HMG20B: variants seen among roughly 807,000 people sequenced by gnomAD.
The protein encoded by HMG20B is high mobility group 20B, also known as SWI/SNF-related matrix-associated actin-dependent regulator of chromatin subfamily E member 1-related.
In HMG20B, 24 loss-of-function variants were observed where a neutral mutation model predicts 41.6. The observed-to-expected ratio is 0.58, with a 90% confidence interval of 0.42 to 0.81. The LOEUF (loss-of-function observed/expected upper bound fraction) is 0.81, where lower values mean the gene tolerates loss of function less well. Among genes scored for constraint, HMG20B ranks in the 30% least tolerant of loss-of-function variants. The pLI is 0.00. For missense variants in HMG20B, 461 were observed against 444.0 expected, an observed-to-expected ratio of 1.04 and a Z score of -0.34; for synonymous variants, 251 against 186.6, an observed-to-expected ratio of 1.34 and a Z score of -2.81.
At chr19:3,578,362 C>T (rs1364182088) in intron 9 of HMG20B, 147 bp from the exon 10 acceptor site, 2 of 1,265,776 alleles carry the variant, frequency 1.6e-6, no homozygotes, top group East Asian at 2.6e-5. Context: ...GATCCCAGCG[C>T]CCGGGTTAGA....
At chr19:3,574,012 G>T (rs1334407634) in intron 3 of HMG20B, 5 of 694,672 alleles carry the variant, frequency 7.2e-6, no homozygotes, top group Non-Finnish European at 5.2e-6. Context: ...TGCCAGCTCT[G>T]CCCACTCTAA....
At chr19:3,576,416 G>A (rs2032163730) in intron 6 of HMG20B, 109 bp downstream of exon 6, 4 of 1,364,686 alleles carry the variant, frequency 2.9e-6, no homozygotes, top group Middle Eastern at 1.8e-4. Context: ...CAGGGGCGGT[G>A]CCACTGCACC....
At position 3,577,028 on chromosome 19, in the gene HMG20B, G is replaced by A. The variant is rs754425390; in HGVS notation, c.729G>A (p.Arg243=). 7 of 1,551,030 alleles carry A rather than the reference G, an allele frequency of 4.5e-6. No homozygotes were observed. The African/African-American group carries it at 6.8e-5, about 15-fold the overall frequency. The stretch of plus-strand genomic sequence containing the variant: ...AGCAGGAGCTGGCGCTGGAGGAGCG[G>A]AGGACGCTGGCGCTGCAGCAGCAGC... ...RLEQELALEE[R]RTLALQQQLQ... The change falls in exon 8 of 10, where the codon CGG becomes CGA. Residue 243 remains arginine (R), a synonymous_variant. Coordinates refer to ENST00000333651, the MANE Select transcript of HMG20B (RefSeq NM_006339.3).
chr19:3,577,881 C>T (rs2032205850), intron 8 of HMG20B, 100 bp from the exon 9 acceptor site: 8 of 1,119,082 alleles, frequency 7.1e-6, no homozygotes, highest in Non-Finnish European at 1.0e-5. Flanking sequence ...CCTCTGAGCG[C>T]CCGCGCGACC....
rs1052046031 is a variant in HMG20B, at chr19:3,573,708, G to A, written c.55G>A (p.Ala19Thr). 6.0e-6 allele frequency: 9 copies of A among 1,509,006 alleles called. No individual in the cohort carries two copies. The highest frequency in any genetic ancestry group is 6.2e-6 in the Non-Finnish European group (7 of 1,133,938). The allele number at this position is 1,509,006 out of a possible 1,614,324, so 93.5% of individuals were successfully genotyped here. The change falls in exon 3 of 10, where the codon GCT becomes ACT. Residue 19 changes from alanine to threonine, a missense_variant. Ala to Thr is a moderately conservative substitution (Grantham distance 58). This residue lies in a region of HMG20B where 104 missense variants were observed against 76.5 expected (regional missense o/e 1.36). Coordinates refer to ENST00000333651, the MANE Select transcript of HMG20B (RefSeq NM_006339.3). ...TGGCTCCAGGCCGGCGGGCGGCAAGGCTCCGGGCCAGCATGGGGGCTTCGT... is the reference window on the plus strand; with the variant it reads ...TGGCTCCAGGCCGGCGGGCGGCAAGACTCCGGGCCAGCATGGGGGCTTCGT... ...GAAAAPAGGKAPGQHGGFVVT... is the reference protein window; with the variant it reads ...GAAAAPAGGKTPGQHGGFVVT...
chr19:3,578,742 C>A lies in HMG20B; in HGVS notation c.*221C>A. ...AAAAGCACTCGCTGCGCGATACACC[C>A]AGAAGAACCTCACAGCCGAGGGTGC... On this transcript the variant is annotated 3_prime_UTR_variant, in exon 10 of 10. Transcript: ENST00000333651. The A allele has an allele frequency of 1.3e-6, 1 of 767,434 alleles. No homozygotes were observed. The highest frequency in any genetic ancestry group is 2.5e-5 in the East Asian group (1 of 39,814). The allele number at this position is 767,434 out of a possible 1,614,324, so 47.5% of individuals were successfully genotyped here. A position where few individuals can be genotyped will look rare whatever the true frequency, so the allele number is the denominator to read the frequency against.
Position 3,576,123 on chromosome 19 carries a change from G to C in HMG20B, c.473-138G>C, listed in dbSNP as rs984913473. 4 of 719,752 alleles carry C rather than the reference G, an allele frequency of 5.6e-6. No individual in the cohort carries two copies. In the African/African-American group the frequency reaches 6.9e-5, roughly 12 times the overall value. The allele number at this position is 719,752 out of a possible 1,614,324, so 44.6% of individuals were successfully genotyped here. On this transcript the variant is annotated intron_variant, in intron 5 of 9. Transcript: ENST00000333651. ...AGACAGGAGTGAAGGGGGCTCACTC[G>C]GTACAGCGATGGGGGATGCCCAGAC...
At chr19:3,575,131 C>G (rs1465324213) in intron 4 of HMG20B, among the ~76,000 whole-genome samples, 1 of 152,078 alleles carries the variant, frequency 6.6e-6, no homozygotes, top group Non-Finnish European at 1.5e-5. Context: ...TTTGCGAAAC[C>G]CGATTTTCAT....
intron 6 of HMG20B, 93 bp downstream of exon 6, chr19:3,576,400 TGC>T: frequency 7.0e-7 from 1 of 1,419,638 alleles, no homozygotes; most frequent in Non-Finnish European, 1.0e-6. Flanking sequence ...CCCAGATGTG[TGC>T]AAGCAGGGGC....
chr19:3,578,367 G>C lies in HMG20B; in HGVS notation c.942-142G>C, dbSNP rs1046143668. 4 of 1,285,554 alleles carry C rather than the reference G, an allele frequency of 3.1e-6. No individual in the cohort carries two copies. The African/African-American group carries it at 6.0e-5, about 19-fold the overall frequency. 79.6% of individuals were successfully genotyped at this position (1,285,554 alleles called of 1,614,324 possible). ...TCTCAGGGTGGATCCCAGCGCCCGG[G>C]TTAGATAGGTTCAACGCCTGTCCCC... is the stretch of plus-strand genomic sequence containing the variant. On this transcript the variant is annotated intron_variant, in intron 9 of 9. Transcript: ENST00000333651.
intron 9 of HMG20B, 127 bp from the exon 10 acceptor site, chr19:3,578,382 C>T (rs372602965): frequency 1.2e-5 from 16 of 1,352,802 alleles, no homozygotes; most frequent in African/African-American, 8.9e-5. Context: ...ATAGGTTCAA[C>T]GCCTGTCCCC....
At chr19:3,578,487 G>C (rs764411227) in intron 9 of HMG20B, 22 bp from the exon 10 acceptor site, 74 of 1,525,506 alleles carry the variant, frequency 4.9e-5, no homozygotes, top group Admixed American at 6.3e-5. Flanking sequence ...GCCTCATCCC[G>C]GGCCCTCCTC....
Position 3,576,495 on chromosome 19 carries a change from C to T in HMG20B, c.520-58C>T. ...GACCCTCCTAGGCTTGGGGCACACCCAGAGAGCGTGGCTGCCTCCTACCAC... is the reference window on the plus strand; with the variant it reads ...GACCCTCCTAGGCTTGGGGCACACCTAGAGAGCGTGGCTGCCTCCTACCAC... On this transcript the variant is annotated intron_variant, in intron 6 of 9. Transcript: ENST00000333651. 2 of 1,511,854 alleles carry T rather than the reference C, an allele frequency of 1.3e-6. 1 individual carries two copies. The highest frequency in any genetic ancestry group is 1.8e-6 in the Non-Finnish European group (2 of 1,093,630). 93.7% of individuals were successfully genotyped at this position (1,511,854 alleles called of 1,614,324 possible). A position where few individuals can be genotyped will look rare whatever the true frequency, so the allele number is the denominator to read the frequency against.
chr19:3,578,217 T>A, intron 9 of HMG20B, 104 bp downstream of exon 9: 1 of 1,456,722 alleles, frequency 6.9e-7, no homozygotes, highest in Non-Finnish European at 9.3e-7. Flanking sequence ...ACTCCGCAGC[T>A]TACTAGAGAT....
chr19:3,578,490 CCCT>C lies in HMG20B; in HGVS notation c.942-14_942-12del, dbSNP rs1275722784. ...GAGATGATGAGGGCCTCATCCCGGG[CCCT>C]CCTCTCTCGTTTCAGCGAGCACCTG... On this transcript the variant is annotated splice_polypyrimidine_tract_variant and intron_variant, in intron 9 of 9. Transcript: ENST00000333651. The C allele has an allele frequency of 3.3e-6, 5 of 1,530,366 alleles. No individual in the cohort carries two copies. Among genetic ancestry groups the C allele is most frequent in the South Asian group, 1.2e-5 (1 of 80,120 alleles). 94.8% of individuals were successfully genotyped at this position (1,530,366 alleles called of 1,614,324 possible). A position where few individuals can be genotyped will look rare whatever the true frequency, so the allele number is the denominator to read the frequency against.
chr19:3,577,139 C>T, intron 8 of HMG20B, 32 bp downstream of exon 8: 1 of 1,413,936 alleles, frequency 7.1e-7, no homozygotes, highest in Non-Finnish European at 9.3e-7. Flanking sequence ...CAGTCCCGCC[C>T]CGGTCACCCG....
intron 4 of HMG20B, 144 bp from the exon 5 acceptor site, chr19:3,575,396 G>A: frequency 1.5e-6 from 2 of 1,372,588 alleles, no homozygotes; most frequent in Non-Finnish European, 1.9e-6. Context: ...AACAGGCTGA[G>A]GAGCCGGTTC....
rs2032210642 is a variant in HMG20B, at chr19:3,578,051, C to G, written c.879C>G (p.Arg293=). The G allele has an allele frequency of 6.2e-7, 1 of 1,610,736 alleles. No individual in the cohort carries two copies. Among genetic ancestry groups the G allele is most frequent in the Admixed American group, 1.7e-5 (1 of 59,900 alleles). The change falls in exon 9 of 10, where the codon CGC becomes CGG. Residue 293 remains arginine (R), a synonymous_variant. Coordinates refer to ENST00000333651, the MANE Select transcript of HMG20B (RefSeq NM_006339.3). The part of the protein sequence containing the change: ...YMARLHGAIE[R]DPAQHEKLIV... ...CCCGGCTTCACGGAGCCATCGAGCG[C>G]GACCCCGCCCAGCACGAGAAGCTCA...
At chr19:3,576,830 C>G (rs1294098897) in intron 7 of HMG20B, 62 bp from the exon 8 acceptor site, 2 of 1,527,672 alleles carry the variant, frequency 1.3e-6, no homozygotes, top group East Asian at 4.9e-5. Flanking sequence ...ACGTCCCGGG[C>G]AAAAGCCCGG....
Sources: allele counts gnomAD v4.1 joint callset (sites outside exome capture counted in the v4.1 genomes callset), GRCh38; gene constraint gnomAD v4.1.1; regional missense constraint gnomAD v4.1.1; transcripts MANE v1.5; gene names NCBI Gene and HGNC (gene_info 2026-07-23, HGNC 2026-07-21).